The following KCNIP3 variants were observed in gnomAD, a reference collection of about 807,000 sequenced individuals.
KCNIP3 encodes the protein calsenilin.
A neutral mutation model predicts 35.0 loss-of-function variants in KCNIP3; 28 were observed. The observed-to-expected ratio is 0.80, with a 90% CI of 0.59 to 1.10. The LOEUF is 1.10. Among genes scored for constraint, KCNIP3 ranks in the 50% least tolerant of loss-of-function variants. The probability of loss-of-function intolerance (pLI) is 0.00; values close to 1 mark genes in which losing one functional copy is unlikely to be tolerated. For synonymous variants in KCNIP3, 134 were observed against 133.8 expected (o/e 1.00, Z -0.01); for missense variants, 295 against 338.4 (o/e 0.87, Z 1.01).
At chr2:95,343,009 G>A (rs993464025) in intron 2 of KCNIP3, among the ~76,000 whole-genome samples, 2 of 152,142 alleles carry the variant, frequency 1.3e-5, no homozygotes, top group African/African-American at 4.8e-5. Context: ...GATCATGCTG[G>A]TTGCTGAACC....
chr2:95,366,801 G>C (rs1371043859), intron 2 of KCNIP3, among the ~76,000 whole-genome samples: 4 of 152,114 alleles, frequency 2.6e-5, no homozygotes, highest in Admixed American at 2.6e-4. Context: ...CCTCTTTCTT[G>C]TGCTTATTTT....
chr2:95,326,278 TAC>T (rs1678785363), intron 2 of KCNIP3, among the ~76,000 whole-genome samples: 1 of 151,188 alleles, frequency 6.6e-6, no homozygotes, highest in Non-Finnish European at 1.5e-5. Context: ...ATACACTCAC[TAC>T]ACATACACAC....
intron 2 of KCNIP3, among the ~76,000 whole-genome samples, chr2:95,342,823 T>A (rs1573501544): frequency 6.6e-6 from 1 of 150,628 alleles, no homozygotes; most frequent in Non-Finnish European, 1.5e-5. Flanking sequence ...TGGTATGGAG[T>A]GGAAAAGAGA....
At chr2:95,372,555 T>G (rs755009765) in intron 2 of KCNIP3, among the ~76,000 whole-genome samples, 109 of 152,054 alleles carry the variant, frequency 7.2e-4, no homozygotes, top group South Asian at 6.2e-4. Flanking sequence ...GTGGGAGACT[T>G]GGCTGGCACC....
At chr2:95,325,740 TAC>T (rs1206985054) in intron 2 of KCNIP3, among the ~76,000 whole-genome samples, 7 of 145,744 alleles carry the variant, frequency 4.8e-5, no homozygotes, top group Middle Eastern at 3.6e-3. Context: ...TACACACTCA[TAC>T]ACACGCACTC....
At chr2:95,367,595 C>G (rs924417309) in intron 2 of KCNIP3, among the ~76,000 whole-genome samples, 10 of 152,074 alleles carry the variant, frequency 6.6e-5, no homozygotes, top group African/African-American at 1.9e-4. Context: ...ACATGTTTTG[C>G]AAGATATATA....
At chr2:95,346,282 G>A (rs1679356470) in intron 2 of KCNIP3, among the ~76,000 whole-genome samples, 2 of 151,522 alleles carry the variant, frequency 1.3e-5, no homozygotes, top group South Asian at 4.2e-4. Flanking sequence ...GCGCCTCCCC[G>A]GGAGAGCGCA....
intron 2 of KCNIP3, among the ~76,000 whole-genome samples, chr2:95,327,337 C>T (rs1012943727): frequency 1.3e-5 from 2 of 152,180 alleles, no homozygotes; most frequent in African/African-American, 4.8e-5. Flanking sequence ...GCCACCCTAC[C>T]TGCTTTTTAA....
At chr2:95,297,621 GGTGTCCTGGCTGGTGTTGGA>G in intron 1 of KCNIP3, among the ~76,000 whole-genome samples, 168 bp downstream of exon 1, 1 of 151,930 alleles carries the variant, frequency 6.6e-6, no homozygotes, top group East Asian at 1.9e-4. Context: ...CTGGCGCTGG[GGTGTCCTGGCTGGTGTTGGA>G]GTGTCCTGGC....
chr2:95,317,172 C>G (rs1055788616), intron 2 of KCNIP3, among the ~76,000 whole-genome samples: 4 of 152,162 alleles, frequency 2.6e-5, no homozygotes, highest in African/African-American at 9.6e-5. Context: ...CCTGAGCCTC[C>G]TAGGCAGGGG....
chr2:95,320,891 C>T (rs1180638096), intron 2 of KCNIP3, among the ~76,000 whole-genome samples: 3 of 143,228 alleles, frequency 2.1e-5, no homozygotes, highest in Non-Finnish European at 4.6e-5. Flanking sequence ...TCCCCGCCCC[C>T]CTCGGCCCCA....
At position 95,338,060 on chromosome 2, in the gene KCNIP3, G is replaced by A. The variant is rs1457280969; in HGVS notation, c.181+27540G>A. Among the ~76,000 whole-genome samples, 5 of 152,214 alleles carry A rather than the reference G, an allele frequency of 3.3e-5. No homozygotes were observed. In the East Asian group the frequency reaches 7.7e-4, roughly 23 times the overall value. On this transcript the variant is annotated intron_variant, in intron 2 of 8. Coordinates refer to ENST00000295225, the MANE Select transcript of KCNIP3 (RefSeq NM_013434.5). ...CACGGGCCCAAGACTGATGGCCCACGAGGAGCAGGCAGACACCAGGCAAGG... is the reference window on the plus strand; with the variant it reads ...CACGGGCCCAAGACTGATGGCCCACAAGGAGCAGGCAGACACCAGGCAAGG...
rs1332141003 is a variant in KCNIP3 at position 95,377,529 on chromosome 2, C to A, written c.447+2321C>A. On this transcript the variant is annotated intron_variant, in intron 5 of 8. Coordinates refer to ENST00000295225, the MANE Select transcript of KCNIP3 (RefSeq NM_013434.5). This position sits in a 1 kb window ranked among gnomAD's most constrained non-coding sequence, Gnocchi z 4.7. ...GTATGCTGTGTCACTGGAGCCCTCA[C>A]CCTGCCTAGCCCCTGCCATGGGGAC... Among the ~76,000 whole-genome samples the A allele has an allele frequency of 6.6e-6, 1 of 152,256 alleles. No homozygotes were observed.
At chr2:95,357,971 G>T (rs1472378124) in intron 2 of KCNIP3, among the ~76,000 whole-genome samples, 1 of 152,218 alleles carries the variant, frequency 6.6e-6, no homozygotes, top group African/African-American at 2.4e-5. Context: ...TGCACCAAGG[G>T]GACCTTGACC....
chr2:95,309,085 C>T (rs546569492), intron 1 of KCNIP3, among the ~76,000 whole-genome samples: 2 of 152,110 alleles, frequency 1.3e-5, no homozygotes, highest in African/African-American at 2.4e-5. Flanking sequence ...TCAGGCAGTG[C>T]GTCACAGACA....
chr2:95,352,789 G>A (rs1679560237), intron 2 of KCNIP3, among the ~76,000 whole-genome samples: 1 of 152,184 alleles, frequency 6.6e-6, no homozygotes, highest in Non-Finnish European at 1.5e-5. Context: ...CCAGGGCCCT[G>A]ACCCACTGGC....
intron 2 of KCNIP3, among the ~76,000 whole-genome samples, chr2:95,350,998 C>T (rs1238653146): frequency 2.6e-5 from 4 of 152,180 alleles, no homozygotes; most frequent in African/African-American, 7.2e-5. Flanking sequence ...GGGAGTTGGG[C>T]GCAAGGCCTT....
chr2:95,310,289 C>T (rs199707218), intron 1 of KCNIP3, 66 bp from the exon 2 acceptor site: 66 of 1,587,936 alleles, frequency 4.2e-5, no homozygotes, highest in South Asian at 3.4e-4. Flanking sequence ...CAGGGCAGCT[C>T]GGGACCATCC....
intron 2 of KCNIP3, 100 bp downstream of exon 2, chr2:95,310,620 C>T (rs751712905): frequency 8.2e-6 from 11 of 1,335,634 alleles, no homozygotes; most frequent in Non-Finnish European, 1.1e-5. Context: ...GGACCCCAGC[C>T]TGGGCTACAT....
Sources: allele counts gnomAD v4.1 joint callset (sites outside exome capture counted in the v4.1 genomes callset), GRCh38; gene constraint gnomAD v4.1.1; non-coding constraint Gnocchi (gnomAD v3.1); transcripts MANE v1.5; gene names NCBI Gene and HGNC (gene_info 2026-07-23, HGNC 2026-07-21).